TAFA1: variants seen among roughly 807,000 people sequenced by gnomAD.
TAFA1 encodes the protein TAFA chemokine like family member 1.
In TAFA1, 4 loss-of-function variants were observed where a neutral mutation model predicts 18.5. The observed-to-expected ratio is 0.22, with a 90% CI of 0.11 to 0.49. The LOEUF (loss-of-function observed/expected upper bound fraction) is 0.49, where lower values mean the gene tolerates loss of function less well. Among genes scored for constraint, TAFA1 ranks in the 20% least tolerant of loss-of-function variants. The pLI, the probability that TAFA1 is intolerant of heterozygous loss-of-function variation, is 0.98. For synonymous variants in TAFA1, 56 were observed against 55.2 expected (o/e 1.01, Z -0.06); for missense variants, 147 against 169.0 (o/e 0.87, Z 0.72).
chr3:68,416,193 AG>A (rs1308642901), intron 2 of TAFA1, among the ~76,000 whole-genome samples: 3 of 152,164 alleles, frequency 2.0e-5, no homozygotes, highest in Non-Finnish European at 4.4e-5. Flanking sequence ...CAGTTCTCAG[AG>A]GACAGGATGA....
chr3:68,423,153 T>G (rs1365392699), intron 3 of TAFA1, among the ~76,000 whole-genome samples: 1 of 152,070 alleles, frequency 6.6e-6, no homozygotes, highest in Non-Finnish European at 1.5e-5. Context: ...CTCAAAGTTG[T>G]AAAAATAATG....
chr3:68,375,702 T>G (rs564022754), intron 2 of TAFA1, among the ~76,000 whole-genome samples: 6 of 152,348 alleles, frequency 3.9e-5, no homozygotes, highest in African/African-American at 1.4e-4. Flanking sequence ...TAACTAATAC[T>G]TTTTGAATGT....
intron 2 of TAFA1, among the ~76,000 whole-genome samples, chr3:68,277,958 T>G (rs2067827170): frequency 6.6e-6 from 1 of 152,190 alleles, no homozygotes; most frequent in African/African-American, 2.4e-5. Flanking sequence ...TGTCCCATCG[T>G]AACATAGATT....
At chr3:68,091,270 A>C (rs1307195430) in intron 2 of TAFA1, among the ~76,000 whole-genome samples, 1 of 152,218 alleles carries the variant, frequency 6.6e-6, no homozygotes, top group Non-Finnish European at 1.5e-5. Flanking sequence ...CAAGTAGTCT[A>C]ATAAAGAAGT....
chr3:68,504,927 T>G (rs1488475960), intron 3 of TAFA1, among the ~76,000 whole-genome samples: 1 of 151,990 alleles, frequency 6.6e-6, no homozygotes, highest in Non-Finnish European at 1.5e-5. Context: ...CAGAAACAAG[T>G]TTATAAGAAA....
At chr3:68,145,139 C>A in intron 2 of TAFA1, 1 of 905,542 alleles carries the variant, frequency 1.1e-6, no homozygotes, top group Non-Finnish European at 1.9e-6. Context: ...TTTATGTTTG[C>A]TCCGTAATGA....
chr3:68,115,265 A>C (rs1202262258), intron 2 of TAFA1, among the ~76,000 whole-genome samples: 1 of 152,172 alleles, frequency 6.6e-6, no homozygotes, highest in Non-Finnish European at 1.5e-5. Flanking sequence ...GGTATATTCC[A>C]TAATGAAACT....
Position 68,044,521 on chromosome 3 carries a change from C to T in TAFA1, c.118+37777C>T, listed in dbSNP as rs150059417. Among the ~76,000 whole-genome samples the T allele has an allele frequency of 9.9e-5, 15 of 152,284 alleles. No individual in the cohort carries two copies. In the East Asian group the frequency reaches 1.9e-3, roughly 20 times the overall value. ...GACTTCACCTCCTGCTGCTTTCCCT[C>T]TTGGCTGTTTCACTCCAGCCTGGGC... On this transcript the variant is annotated intron_variant, in intron 2 of 4. Coordinates refer to ENST00000478136, the MANE Select transcript of TAFA1 (RefSeq NM_213609.4).
intron 2 of TAFA1, among the ~76,000 whole-genome samples, chr3:68,392,113 C>T (rs557290114): frequency 5.4e-4 from 80 of 148,064 alleles, no homozygotes; most frequent in Non-Finnish European, 9.1e-4. Flanking sequence ...TTCAGGAGTC[C>T]GATCTCATGT....
chr3:68,191,791 T>A (rs1181108615), intron 2 of TAFA1, among the ~76,000 whole-genome samples: 2 of 151,830 alleles, frequency 1.3e-5, no homozygotes, highest in Non-Finnish European at 2.9e-5. Flanking sequence ...AGCCACATGA[T>A]AATGGGCACC....
At chr3:68,428,747 A>T (rs56031176) in intron 3 of TAFA1, among the ~76,000 whole-genome samples, 4,097 of 152,070 alleles carry the variant, frequency 0.027, 174 homozygotes, top group African/African-American at 0.092. Context: ...AATTTATATT[A>T]CTTAGGCTTA....
intron 2 of TAFA1, among the ~76,000 whole-genome samples, chr3:68,367,087 G>C (rs898552119): frequency 5.9e-5 from 9 of 152,092 alleles, no homozygotes; most frequent in African/African-American, 2.2e-4. Context: ...TTCCCTTATG[G>C]GGTGGTTGTG....
chr3:68,111,164 A>G (rs1482878719), intron 2 of TAFA1, among the ~76,000 whole-genome samples: 5 of 152,206 alleles, frequency 3.3e-5, no homozygotes, highest in Non-Finnish European at 5.9e-5. Flanking sequence ...TGTCCAAAAC[A>G]TAATCAAAGA....
chr3:68,147,264 G>A (rs944764120), intron 2 of TAFA1, among the ~76,000 whole-genome samples: 1 of 151,834 alleles, frequency 6.6e-6, no homozygotes, highest in African/African-American at 2.4e-5. Context: ...AACCACTCCA[G>A]GGCCAGGTAT....
chr3:68,033,147 A>G lies in TAFA1; in HGVS notation c.118+26403A>G, dbSNP rs191628848. Among the ~76,000 whole-genome samples, 3 of 152,306 alleles carry G rather than the reference A, an allele frequency of 2.0e-5. No homozygotes were observed. The East Asian group carries it at 5.8e-4, about 29-fold the overall frequency. ...CTTCAATTTTCCACAGAAATAGATA[A>G]CATCTCTGGTAATTTTCCACGTTTT... On this transcript the variant is annotated intron_variant, in intron 2 of 4. Coordinates refer to ENST00000478136, the MANE Select transcript of TAFA1 (RefSeq NM_213609.4).
chr3:68,116,140 A>T (rs2065321942), intron 2 of TAFA1, among the ~76,000 whole-genome samples: 1 of 152,134 alleles, frequency 6.6e-6, no homozygotes, highest in Admixed American at 6.5e-5. Context: ...CTGTAGTCCC[A>T]GCTACTCGGG....
chr3:68,037,524 A>G (rs1705078078), intron 2 of TAFA1, among the ~76,000 whole-genome samples: 1 of 152,222 alleles, frequency 6.6e-6, no homozygotes, highest in Admixed American at 6.5e-5. Flanking sequence ...TCTAAACTAC[A>G]GTTTCCATTT....
chr3:68,051,386 T>C (rs6770795), intron 2 of TAFA1, among the ~76,000 whole-genome samples: 52,087 of 151,950 alleles, frequency 0.34, 9,675 homozygotes, highest in East Asian at 0.47. Flanking sequence ...GAATAACCTA[T>C]TAGAACTGCA....
At chr3:68,350,000 T>C (rs1406153469) in intron 2 of TAFA1, among the ~76,000 whole-genome samples, 1 of 152,150 alleles carries the variant, frequency 6.6e-6, no homozygotes, top group African/African-American at 2.4e-5. Context: ...TCGTTAGCAG[T>C]ATTTATCTGG....
Sources: gnomAD v4.1 joint callset for allele counts (sites outside exome capture counted in the v4.1 genomes callset) on GRCh38, gnomAD v4.1.1 for gene constraint, MANE v1.5 for transcripts, NCBI Gene and HGNC (gene_info 2026-07-23, HGNC 2026-07-21) for gene names.